KDM5B: variants seen among roughly 807,000 people sequenced by gnomAD.
KDM5B encodes the protein lysine-specific demethylase 5B.
In KDM5B, 144 loss-of-function variants were observed where a neutral mutation model predicts 193.4. The ratio of observed to expected loss-of-function variants is 0.74; its 90% CI spans 0.65 to 0.86. The LOEUF (loss-of-function observed/expected upper bound fraction) is 0.86. Among genes scored for constraint, KDM5B ranks in the 40% least tolerant of loss-of-function variants. The probability of loss-of-function intolerance (pLI) is 0.00; values close to 1 mark genes in which losing one functional copy is unlikely to be tolerated. For synonymous variants in KDM5B, 668 were observed against 682.6 expected (o/e 0.98, Z 0.33); for missense variants, 1,833 against 1,886.9 (o/e 0.97, Z 0.53).
intron 4 of KDM5B, chr1:202,767,347 T>A: frequency 1.9e-6 from 3 of 1,592,318 alleles, no homozygotes; most frequent in Non-Finnish European, 2.6e-6. Flanking sequence ...TGGCAAATTC[T>A]TCCCAGGGCC....
chr1:202,808,402 A>T lies in KDM5B; in HGVS notation c.-97T>A. 2 of 1,152,770 alleles carry T rather than the reference A, an allele frequency of 1.7e-6. No individual in the cohort carries two copies. Among genetic ancestry groups the T allele is most frequent in the Non-Finnish European group, 2.4e-6 (2 of 838,818 alleles). 71.4% of individuals were successfully genotyped at this position (1,152,770 alleles called of 1,614,324 possible). On this transcript the variant is annotated 5_prime_UTR_variant, in exon 1 of 27. The change creates a new upstream start codon in the 5' untranslated region. Coordinates refer to ENST00000367265, the MANE Select transcript of KDM5B (RefSeq NM_006618.5). Reference sequence around the variant, plus strand: ...GACCCGTGCAGACGCGGCTCGAGCAACAGCAAGTCCGAGTTGTACGGGCAA... The same window carrying T: ...GACCCGTGCAGACGCGGCTCGAGCATCAGCAAGTCCGAGTTGTACGGGCAA...
At chr1:202,755,768 A>G (rs1223121834) in intron 10 of KDM5B, among the ~76,000 whole-genome samples, 2 of 152,172 alleles carry the variant, frequency 1.3e-5, no homozygotes, top group African/African-American at 4.8e-5. Flanking sequence ...GATAGTGATT[A>G]TCCTGAGGGC....
intron 5 of KDM5B, among the ~76,000 whole-genome samples, chr1:202,764,998 T>C (rs1464108411): frequency 1.3e-5 from 2 of 152,202 alleles, no homozygotes; most frequent in African/African-American, 4.8e-5. Flanking sequence ...GAAGTGTTTC[T>C]ATTCAAATTC....
chr1:202,746,310 G>A lies in KDM5B; in HGVS notation c.2030C>T (p.Ser677Leu), dbSNP rs530891664. 1.2e-4 allele frequency: 189 copies of A among 1,605,738 alleles called. No individual in the cohort carries two copies. The South Asian group carries it at 1.7e-3, about 15-fold the overall frequency. ...ETVRKLGVID[S>L]ERMDFELLPD... ...CAACAGCTCAAAATCCATTCTTTCCGAATCAATCACTCCCTAGAATAAAGT... is the reference window on the plus strand; with the variant it reads ...CAACAGCTCAAAATCCATTCTTTCCAAATCAATCACTCCCTAGAATAAAGT... The change falls in exon 15 of 27, where the codon TCG (serine) becomes TTG (leucine). Residue 677 changes from serine (S) to leucine (L), a missense_variant. Ser to Leu is a moderately radical substitution (Grantham distance 145, BLOSUM62 -2). Around this residue, in one of 3 missense-constraint regions of KDM5B, gnomAD observed 1,379 missense variants for 1,349.6 expected, o/e 1.02. Coordinates refer to ENST00000367265, the MANE Select transcript of KDM5B (RefSeq NM_006618.5).
chr1:202,726,619 C>T lies in KDM5B; in HGVS notation c.*2417G>A, dbSNP rs1654683292. ...AGCTGCAGGACTACTGAGATGGAAA[C>T]TGAAGTGTCAGTTTCCATGTGCATT... is the stretch of plus-strand genomic sequence containing the variant. On this transcript the variant is annotated 3_prime_UTR_variant, in exon 27 of 27. Transcript: ENST00000367265. 1 of 152,322 alleles carries T rather than the reference C, an allele frequency of 6.6e-6. No individual in the cohort carries two copies. Among genetic ancestry groups the T allele is most frequent in the African/African-American group, 2.4e-5 (1 of 41,576 alleles). 9.4% of individuals were successfully genotyped at this position (152,322 alleles called of 1,614,324 possible). A position where few individuals can be genotyped will look rare whatever the true frequency, so the allele number is the denominator to read the frequency against.
At chr1:202,740,001 G>A (rs1002126055) in intron 20 of KDM5B, among the ~76,000 whole-genome samples, 5 of 152,252 alleles carry the variant, frequency 3.3e-5, no homozygotes, top group African/African-American at 1.2e-4. Context: ...ACACCTCCCA[G>A]ACGGGGTGGT....
intron 11 of KDM5B, 144 bp downstream of exon 11, chr1:202,755,127 G>A: frequency 1.7e-6 from 1 of 582,076 alleles, no homozygotes; most frequent in South Asian, 2.6e-5. Flanking sequence ...TTGTCAGGAT[G>A]CCTGTTCTAA....
intron 14 of KDM5B, among the ~76,000 whole-genome samples, chr1:202,747,964 TA>T (rs1320501197): frequency 6.6e-6 from 1 of 151,700 alleles, no homozygotes; most frequent in Non-Finnish European, 1.5e-5. Flanking sequence ...AACAATTTTT[TA>T]AAAAAAACAA....
intron 6 of KDM5B, among the ~76,000 whole-genome samples, chr1:202,763,296 T>C (rs536064169): frequency 1.3e-5 from 2 of 152,328 alleles, no homozygotes; most frequent in South Asian, 4.1e-4. Flanking sequence ...TGAACTATCA[T>C]GTGGTAGGCA....
At chr1:202,803,028 T>C (rs1277568280) in intron 1 of KDM5B, among the ~76,000 whole-genome samples, 1 of 151,830 alleles carries the variant, frequency 6.6e-6, no homozygotes, top group Non-Finnish European at 1.5e-5. Context: ...GGCAACATAC[T>C]GAGAAACCGC....
At chr1:202,743,812 C>A (rs1655445979) in intron 16 of KDM5B, among the ~76,000 whole-genome samples, 2 of 152,100 alleles carry the variant, frequency 1.3e-5, no homozygotes, top group Admixed American at 1.3e-4. Flanking sequence ...AAAACTGGAC[C>A]CCTTCCTTAC....
At chr1:202,745,757 G>T in intron 16 of KDM5B, 101 bp downstream of exon 16, 1 of 1,336,674 alleles carries the variant, frequency 7.5e-7, no homozygotes, top group Non-Finnish European at 1.1e-6. Flanking sequence ...AACCAAGGAT[G>T]AGGTCAGGCT....
intron 1 of KDM5B, among the ~76,000 whole-genome samples, chr1:202,781,106 A>G (rs1657179687): frequency 6.6e-6 from 1 of 152,156 alleles, no homozygotes; most frequent in Non-Finnish European, 1.5e-5. Context: ...ACTTGAAGCT[A>G]GCAGTTTGAG....
rs913963941 is a variant in KDM5B at position 202,725,924 on chromosome 1, T to C, written c.*3112A>G. 6.6e-6 allele frequency: 1 copy of C among 152,170 alleles called. No homozygotes were observed. Among genetic ancestry groups the C allele is most frequent in the African/African-American group, 2.4e-5 (1 of 41,426 alleles). 9.4% of individuals were successfully genotyped at this position (152,170 alleles called of 1,614,324 possible). ...GTACTAAATACCAATCAATACCTGCTCCAAGCCAGAAGCAGGTCTTAACAG... is the reference window on the plus strand; with the variant it reads ...GTACTAAATACCAATCAATACCTGCCCCAAGCCAGAAGCAGGTCTTAACAG... On this transcript the variant is annotated 3_prime_UTR_variant, in exon 27 of 27. Transcript: ENST00000367265.
Position 202,733,658 on chromosome 1 carries a change from A to G in KDM5B, c.3652T>C (p.Cys1218Arg). Residue 1218 changes from cysteine to arginine, a missense_variant, in exon 23 of 27, where the codon TGT becomes CGT. Transcript: ENST00000367265. ...SISQGLRIWL[C>R]PHCRRSEKPP... ...TTCTCTGACCTCCGACAATGGGGAC[A>G]AAGCCAGATTCGCAGGCCCTGTGAA... 1 of 1,614,190 alleles carries G rather than the reference A, an allele frequency of 6.2e-7. No homozygotes were observed.
Position 202,750,667 on chromosome 1 carries a change from C to T in KDM5B, c.1813G>A (p.Val605Ile), listed in dbSNP as rs902054838. The change falls in exon 13 of 27, where the codon GTT becomes ATT. Residue 605 changes from valine (V) to isoleucine (I), a missense_variant. Transcript: ENST00000367265. The part of the protein sequence containing the change: ...NFAEAVNFCT[V>I]DWLPLGRQCV... ...ACATTGTAATTACATACCCAATCAA[C>T]AGTGCAGAAGTTAACAGCCTCAGCA... 1.2e-6 allele frequency: 2 copies of T among 1,613,398 alleles called. No homozygotes were observed. Among genetic ancestry groups the T allele is most frequent in the Admixed American group, 1.7e-5 (1 of 59,936 alleles).
At chr1:202,777,347 C>T (rs2102304671) in intron 1 of KDM5B, among the ~76,000 whole-genome samples, 1 of 80,284 alleles carries the variant, frequency 1.2e-5, no homozygotes, top group South Asian at 4.7e-4. Context: ...TGTCATTGAG[C>T]CTGTAAAAAA....
chr1:202,800,507 A>AT (rs1658031183), intron 1 of KDM5B, among the ~76,000 whole-genome samples: 1 of 151,912 alleles, frequency 6.6e-6, no homozygotes, highest in African/African-American at 2.4e-5. Flanking sequence ...TTCCCAGCTA[A>AT]TTTTTTGTCT....
chr1:202,770,853 C>T (rs984318480), intron 4 of KDM5B, among the ~76,000 whole-genome samples: 1 of 152,170 alleles, frequency 6.6e-6, no homozygotes, highest in Non-Finnish European at 1.5e-5. Flanking sequence ...TGTATCACTT[C>T]CTAAAACATA....
Sources: gnomAD v4.1 joint callset for allele counts (sites outside exome capture counted in the v4.1 genomes callset) on GRCh38, gnomAD v4.1.1 for gene constraint, gnomAD v4.1.1 regional missense constraint, MANE v1.5 for transcripts, NCBI Gene and HGNC (gene_info 2026-07-23, HGNC 2026-07-21) for gene names.